The following NEK1 variants were observed in gnomAD, a reference collection of about 807,000 sequenced individuals.
NEK1 encodes serine/threonine-protein kinase Nek1.
NEK1 carries 137 observed loss-of-function variants against 182.1 expected under a neutral mutation model. The observed-to-expected ratio is 0.75, with a 90% CI of 0.65 to 0.87. The LOEUF (loss-of-function observed/expected upper bound fraction) is 0.87, where lower values mean the gene tolerates loss of function less well. Among genes scored for constraint, NEK1 ranks in the 40% least tolerant of loss-of-function variants. NEK1 has a pLI of 0.00. For missense variants in NEK1, 1,391 were observed against 1,494.4 expected, an observed-to-expected ratio of 0.93 and a Z score of 1.14; for synonymous variants, 513 against 492.2, an observed-to-expected ratio of 1.04 and a Z score of -0.56.
Position 169,479,521 on chromosome 4 carries a change from C to T in NEK1, c.2021G>A (p.Gly674Glu). 1.3e-6 allele frequency: 2 copies of T among 1,598,186 alleles called. No individual in the cohort carries two copies. The highest frequency in any genetic ancestry group is 2.7e-5 in the African/African-American group (2 of 74,048). Residue 674 changes from glycine to glutamate, a missense_variant, in exon 24 of 36, where the codon GGA becomes GAA. Transcript: ENST00000507142. ...TGGAGAAACATCAGAACTCTTAACT[C>T]CTTTAGCCACCAACTATAAAAAAGG... The part of the protein sequence containing the change: ...KVWEEHLVAK[G>E]VKSSDVSPPL...
intron 32 of NEK1, among the ~76,000 whole-genome samples, chr4:169,404,108 A>C (rs1732168469): frequency 6.6e-6 from 1 of 152,136 alleles, no homozygotes; most frequent in Admixed American, 6.5e-5. Flanking sequence ...CAAGCCACAA[A>C]TAAGCTGTAG....
Position 169,401,704 on chromosome 4 carries a change from A to C in NEK1, c.3531T>G (p.Asp1177Glu), listed in dbSNP as rs1731720748. The C allele has an allele frequency of 1.2e-6, 2 of 1,613,938 alleles. No individual in the cohort carries two copies. Among genetic ancestry groups the C allele is most frequent in the Non-Finnish European group, 1.7e-6 (2 of 1,179,830 alleles). Residue 1177 changes from aspartate (D) to glutamate (E), a missense_variant, in exon 33 of 36, where the codon GAT becomes GAG. Transcript: ENST00000507142. ...TTTCACTGCTGGGATTGTCATCTTC[A>C]TCTGCCACATCTGTCCCATTTGCAG... ...EPTANGTDVA[D>E]EDDNPSSESA...
Position 169,508,221 on chromosome 4 carries a change from CTTCAAAAAAATAGCTT to C in NEK1, c.1833+11_1833+26del. On this transcript the variant is annotated intron_variant, in intron 21 of 35. Transcript: ENST00000507142. The stretch of plus-strand genomic sequence containing the variant: ...AACCTACTATGACATCATTCAATTT[CTTCAAAAAAATAGCTT>C]TTCAACCTACCTTTTCACCACGAAG... 1 of 1,550,248 alleles carries C rather than the reference CTTCAAAAAAATAGCTT, an allele frequency of 6.5e-7. No homozygotes were observed. The highest frequency in any genetic ancestry group is 1.2e-5 in the South Asian group (1 of 81,386).
intron 23 of NEK1, among the ~76,000 whole-genome samples, chr4:169,495,862 C>T (rs1181887853): frequency 6.6e-6 from 1 of 152,104 alleles, no homozygotes; most frequent in African/African-American, 2.4e-5. Context: ...GTTCTTTTGG[C>T]TTAGGATTGA....
intron 27 of NEK1, among the ~76,000 whole-genome samples, chr4:169,461,038 T>C (rs1012335617): frequency 6.6e-6 from 1 of 152,182 alleles, no homozygotes; most frequent in African/African-American, 2.4e-5. Context: ...TTTATGTTTC[T>C]CATTTAATAC....
intron 5 of NEK1, among the ~76,000 whole-genome samples, chr4:169,594,891 A>G (rs1769175729): frequency 6.6e-6 from 1 of 152,240 alleles, no homozygotes; most frequent in African/African-American, 2.4e-5. Context: ...ATCCTCAAGA[A>G]AAACATTCAT....
intron 31 of NEK1, among the ~76,000 whole-genome samples, chr4:169,412,260 C>A (rs1199096489): frequency 6.6e-6 from 1 of 152,158 alleles, no homozygotes; most frequent in East Asian, 1.9e-4. Context: ...ACAGGCTTAA[C>A]CAGTTTGTAC....
chr4:169,611,721 A>G (rs1448610814), intron 2 of NEK1, among the ~76,000 whole-genome samples: 4 of 152,248 alleles, frequency 2.6e-5, no homozygotes, highest in Non-Finnish European at 5.9e-5. Context: ...ATTAAAATTT[A>G]TCAGTAATTT....
intron 31 of NEK1, among the ~76,000 whole-genome samples, chr4:169,420,995 G>A (rs2111288107): frequency 6.6e-6 from 1 of 152,224 alleles, no homozygotes; most frequent in Non-Finnish European, 1.5e-5. Context: ...AAAATGTTTG[G>A]TTAAGAGCAG....
intron 18 of NEK1, among the ~76,000 whole-genome samples, chr4:169,547,069 C>G (rs1000996104): frequency 2.6e-5 from 4 of 152,160 alleles, no homozygotes; most frequent in Non-Finnish European, 4.4e-5. Context: ...TTCATAGTAT[C>G]TATGGTGCTT....
At chr4:169,591,202 G>C (rs1768439102) in intron 5 of NEK1, among the ~76,000 whole-genome samples, 1 of 151,186 alleles carries the variant, frequency 6.6e-6, no homozygotes, top group African/African-American at 2.4e-5. Context: ...CTGGAGTGCA[G>C]TCGTGTTATC....
intron 10 of NEK1, among the ~76,000 whole-genome samples, chr4:169,584,138 T>C (rs1767128327): frequency 6.6e-6 from 1 of 152,216 alleles, no homozygotes. Flanking sequence ...TGATTTGATA[T>C]AGATTGCTTC....
Position 169,405,765 on chromosome 4 carries a change from C to T in NEK1, c.3374+831G>A, listed in dbSNP as rs149558082. Reference sequence around the variant, plus strand: ...TTTTCCACCTCAGCCTCCTGAGTAGCTGAGACTACCTACAAGGCATGTGGA... The same window carrying T: ...TTTTCCACCTCAGCCTCCTGAGTAGTTGAGACTACCTACAAGGCATGTGGA... On this transcript the variant is annotated intron_variant, in intron 32 of 35. Coordinates refer to ENST00000507142, the MANE Select transcript of NEK1 (RefSeq NM_001199397.3). Among the ~76,000 whole-genome samples, 1,368 of 152,052 alleles carry T rather than the reference C, an allele frequency of 9.0e-3. 11 individuals carry two copies. Among genetic ancestry groups the T allele is most frequent in the Non-Finnish European group, 0.014 (965 of 68,000 alleles).
chr4:169,579,506 G>C (rs1246332409), intron 11 of NEK1, among the ~76,000 whole-genome samples: 1 of 152,110 alleles, frequency 6.6e-6, no homozygotes, highest in Non-Finnish European at 1.5e-5. Flanking sequence ...TTTAAGAAGG[G>C]CTAAATGCAG....
intron 19 of NEK1, among the ~76,000 whole-genome samples, chr4:169,531,747 G>A (rs1757712322): frequency 6.6e-6 from 1 of 152,140 alleles, no homozygotes; most frequent in South Asian, 2.1e-4. Flanking sequence ...ACATAACGAG[G>A]AGGGATATGC....
Position 169,401,688 on chromosome 4 carries a change from T to A in NEK1, c.3547A>T (p.Ser1183Cys), listed in dbSNP as rs1230331843. 1.4e-5 allele frequency: 23 copies of A among 1,613,942 alleles called. No homozygotes were observed. Among genetic ancestry groups the A allele is most frequent in the Non-Finnish European group, 1.9e-5 (22 of 1,179,830 alleles). Residue 1183 changes from serine (S) to cysteine (C), a missense_variant, in exon 33 of 36, where the codon AGC becomes TGC. Transcript: ENST00000507142. Reference sequence around the variant, plus strand: ...TCTTCGTTCAGGGCACTTTCACTGCTGGGATTGTCATCTTCATCTGCCACA... The same window carrying A: ...TCTTCGTTCAGGGCACTTTCACTGCAGGGATTGTCATCTTCATCTGCCACA... Reference protein sequence around the residue: ...TDVADEDDNPSSESALNEEWH... With the variant: ...TDVADEDDNPCSESALNEEWH...
intron 18 of NEK1, chr4:169,554,423 A>T (rs1403385629): frequency 4.6e-5 from 7 of 151,286 alleles, no homozygotes; most frequent in Non-Finnish European, 7.4e-5. Context: ...GTCTCAAAAA[A>T]AAAAATTACC....
At chr4:169,475,432 A>C (rs1746766220) in intron 26 of NEK1, among the ~76,000 whole-genome samples, 1 of 152,186 alleles carries the variant, frequency 6.6e-6, no homozygotes, top group Non-Finnish European at 1.5e-5. Flanking sequence ...AAATATTAAA[A>C]ATAAGACATG....
chr4:169,449,734 A>G (rs1343967835), intron 27 of NEK1, among the ~76,000 whole-genome samples: 5 of 152,250 alleles, frequency 3.3e-5, no homozygotes, highest in Non-Finnish European at 2.9e-5. Flanking sequence ...CCAAAGCAGA[A>G]AAGCTGAATA....
Sources: gnomAD v4.1 joint callset for allele counts (sites outside exome capture counted in the v4.1 genomes callset) on GRCh38, gnomAD v4.1.1 for gene constraint, MANE v1.5 for transcripts, NCBI Gene and HGNC (gene_info 2026-07-23, HGNC 2026-07-21) for gene names.